The following MACROD2 variants were observed in gnomAD, a reference collection of about 807,000 sequenced individuals.
The protein encoded by MACROD2 is ADP-ribose glycohydrolase MACROD2.
In MACROD2, 36 loss-of-function variants were observed where a neutral mutation model predicts 70.4. That is an observed-to-expected ratio of 0.51 (90% CI 0.39 to 0.68). The LOEUF is 0.68. Among genes scored for constraint, MACROD2 ranks in the 30% least tolerant of loss-of-function variants. MACROD2 has a pLI of 0.00. For missense variants in MACROD2, 496 were observed against 538.4 expected (o/e 0.92, Z 0.78); for synonymous variants, 172 against 178.8 (o/e 0.96, Z 0.30).
intron 5 of MACROD2, among the ~76,000 whole-genome samples, chr20:15,102,710 A>G (rs2075882194): frequency 7.0e-6 from 1 of 142,858 alleles, no homozygotes; most frequent in Non-Finnish European, 1.5e-5. Flanking sequence ...TATACTAGAA[A>G]AGCACTATTG....
intron 5 of MACROD2, among the ~76,000 whole-genome samples, chr20:14,848,631 T>G (rs961551832): frequency 3.9e-5 from 6 of 152,214 alleles, no homozygotes; most frequent in African/African-American, 1.4e-4. Context: ...CCTGTAGTTA[T>G]TGACCACTTG....
At chr20:14,341,474 G>T (rs2083012217) in intron 3 of MACROD2, among the ~76,000 whole-genome samples, 1 of 152,036 alleles carries the variant, frequency 6.6e-6, no homozygotes, top group Admixed American at 6.6e-5. Flanking sequence ...CCCGTTTCTA[G>T]TAAAAATACA....
At chr20:15,124,145 G>A (rs964113358) in intron 5 of MACROD2, among the ~76,000 whole-genome samples, 1 of 151,472 alleles carries the variant, frequency 6.6e-6, no homozygotes, top group Non-Finnish European at 1.5e-5. Context: ...TTTTTTTGAT[G>A]CCACTAAAAT....
At chr20:14,623,989 C>T (rs1399439573) in intron 4 of MACROD2, among the ~76,000 whole-genome samples, 1 of 152,168 alleles carries the variant, frequency 6.6e-6, no homozygotes, top group Admixed American at 6.5e-5. Context: ...ACAGTCTTGC[C>T]CCAGGGCTAT....
chr20:14,803,650 T>C (rs1034633560), intron 5 of MACROD2, among the ~76,000 whole-genome samples: 1 of 151,862 alleles, frequency 6.6e-6, no homozygotes, highest in African/African-American at 2.4e-5. Flanking sequence ...CTGGCTAATT[T>C]TTATATTTTT....
At chr20:15,760,588 G>T (rs1020224222) in intron 8 of MACROD2, among the ~76,000 whole-genome samples, 1 of 152,182 alleles carries the variant, frequency 6.6e-6, no homozygotes, top group Non-Finnish European at 1.5e-5. Context: ...AATAGGTCAT[G>T]CATCTCTGGG....
At chr20:14,256,027 T>C (rs984384213) in intron 3 of MACROD2, among the ~76,000 whole-genome samples, 69 of 152,148 alleles carry the variant, frequency 4.5e-4, no homozygotes, top group African/African-American at 1.6e-3. Flanking sequence ...CCATTTTGTC[T>C]GTCCCCCAAG....
At chr20:14,597,736 T>C (rs554526567) in intron 4 of MACROD2, among the ~76,000 whole-genome samples, 1 of 152,268 alleles carries the variant, frequency 6.6e-6, no homozygotes, top group African/African-American at 2.4e-5. Context: ...TCTTTCCTTT[T>C]CCTTTTTTTG....
chr20:14,092,505 A>G (rs1036307467), intron 3 of MACROD2, among the ~76,000 whole-genome samples: 6 of 152,200 alleles, frequency 3.9e-5, no homozygotes, highest in Admixed American at 1.3e-4. Context: ...CATGTTTTGT[A>G]GATATTTAGG....
intron 3 of MACROD2, among the ~76,000 whole-genome samples, chr20:14,309,690 AT>A (rs2082549512): frequency 6.6e-6 from 1 of 152,126 alleles, no homozygotes; most frequent in Admixed American, 6.6e-5. Flanking sequence ...TTGCCTAATG[AT>A]TTCTCTATTT....
chr20:14,681,336 TA>T (rs1468560121), intron 4 of MACROD2, among the ~76,000 whole-genome samples: 3 of 152,160 alleles, frequency 2.0e-5, no homozygotes, highest in African/African-American at 7.2e-5. Context: ...TCATAATAGC[TA>T]AAAACTAGAA....
intron 5 of MACROD2, among the ~76,000 whole-genome samples, chr20:14,955,770 G>C (rs2074531078): frequency 6.6e-6 from 1 of 152,004 alleles, no homozygotes; most frequent in African/African-American, 2.4e-5. Context: ...GCCTGAGCTT[G>C]GGGCCCCAAA....
At chr20:15,449,269 C>T (rs908416461) in intron 7 of MACROD2, among the ~76,000 whole-genome samples, 35 of 146,966 alleles carry the variant, frequency 2.4e-4, no homozygotes, top group African/African-American at 9.1e-4. Context: ...TGATCACCAC[C>T]CATCCTTGAG....
chr20:15,903,374 C>A (rs1432378575), intron 10 of MACROD2, among the ~76,000 whole-genome samples: 1 of 152,106 alleles, frequency 6.6e-6, no homozygotes, highest in Non-Finnish European at 1.5e-5. Context: ...ATGATCGAGG[C>A]GTCTGACTTA....
intron 5 of MACROD2, among the ~76,000 whole-genome samples, chr20:15,016,866 C>T (rs1383752522): frequency 6.6e-6 from 1 of 152,058 alleles, no homozygotes; most frequent in Non-Finnish European, 1.5e-5. Context: ...GAGAATAGCA[C>T]AAAAAAGACC....
At chr20:15,053,268 G>A (rs11907498) in intron 5 of MACROD2, among the ~76,000 whole-genome samples, 37 of 152,310 alleles carry the variant, frequency 2.4e-4, no homozygotes, top group Admixed American at 4.6e-4. Context: ...ATGAAACAGC[G>A]TTATATTGGA....
chr20:14,213,360 G>GAAAAAA (rs1569208734), intron 3 of MACROD2, among the ~76,000 whole-genome samples: 6 of 1,162 alleles, frequency 5.2e-3, no homozygotes, highest in Non-Finnish European at 6.8e-3. Flanking sequence ...GCTTCTAGTG[G>GAAAAAA]CAAAAAAAAA....
intron 5 of MACROD2, among the ~76,000 whole-genome samples, chr20:15,083,652 ATGGT>A (rs1420357274): frequency 6.6e-6 from 1 of 151,782 alleles, no homozygotes; most frequent in East Asian, 1.9e-4. Flanking sequence ...GTAAAATGTA[ATGGT>A]TGGTATTAGA....
At chr20:15,261,899 C>T (rs1335961691) in intron 6 of MACROD2, among the ~76,000 whole-genome samples, 2 of 151,650 alleles carry the variant, frequency 1.3e-5, no homozygotes, top group Non-Finnish European at 2.9e-5. Flanking sequence ...TTTTTCTTAA[C>T]ATTTAATTTT....
Sources: allele counts gnomAD v4.1 joint callset (sites outside exome capture counted in the v4.1 genomes callset), GRCh38; gene constraint gnomAD v4.1.1; transcripts MANE v1.5; gene names NCBI Gene and HGNC (gene_info 2026-07-23, HGNC 2026-07-21).